The following FGF12 variants were observed in gnomAD, a reference collection of about 807,000 sequenced individuals.
The protein encoded by FGF12 is fibroblast growth factor 12, also known as fibroblast growth factor 12B.
Under a neutral mutation model 23.6 loss-of-function variants are expected in FGF12, and 14 were observed. The observed-to-expected ratio is 0.59, with a 90% CI of 0.39 to 0.93. The LOEUF is 0.93. FGF12 is among the 40% of genes least tolerant of loss of function. FGF12 has a pLI of 0.00. For synonymous variants in FGF12, 62 were observed against 77.3 expected (o/e 0.80, Z 1.04); for missense variants, 175 against 217.8 (o/e 0.80, Z 1.24).
intron 2 of FGF12, among the ~76,000 whole-genome samples, chr3:192,499,459 G>A (rs999943841): frequency 1.6e-5 from 2 of 127,862 alleles, no homozygotes; most frequent in African/African-American, 6.0e-5. Flanking sequence ...CAACTAAAAG[G>A]GTGCATTCAA....
At chr3:192,560,516 T>C (rs1312062421) in intron 2 of FGF12, among the ~76,000 whole-genome samples, 1 of 152,174 alleles carries the variant, frequency 6.6e-6, no homozygotes, top group East Asian at 1.9e-4. Flanking sequence ...AAAGATGGCA[T>C]GTCATTGTAG....
chr3:192,510,899 C>A (rs909099141), intron 2 of FGF12, among the ~76,000 whole-genome samples: 5 of 152,116 alleles, frequency 3.3e-5, no homozygotes, highest in African/African-American at 9.7e-5. Flanking sequence ...TTATTCCAAC[C>A]ATATGGCATT....
chr3:192,427,754 G>C (rs1721738252), intron 2 of FGF12, among the ~76,000 whole-genome samples: 2 of 152,142 alleles, frequency 1.3e-5, no homozygotes, highest in African/African-American at 4.8e-5. Context: ...TTCTGAGAGA[G>C]CATCAATGTC....
At chr3:192,624,300 T>C (rs559877200) in intron 2 of FGF12, among the ~76,000 whole-genome samples, 1 of 152,160 alleles carries the variant, frequency 6.6e-6, no homozygotes, top group South Asian at 2.1e-4. Flanking sequence ...TCTATTTATA[T>C]CAACATAGGA....
At chr3:192,176,168 T>C (rs1715846382) in intron 4 of FGF12, among the ~76,000 whole-genome samples, 1 of 152,216 alleles carries the variant, frequency 6.6e-6, no homozygotes, top group Admixed American at 6.5e-5. Flanking sequence ...TTTCATCACA[T>C]GCTAATTTCT....
chr3:192,686,754 C>T (rs1389299790), intron 2 of FGF12, among the ~76,000 whole-genome samples: 12 of 148,672 alleles, frequency 8.1e-5, no homozygotes, highest in Admixed American at 4.7e-4. Context: ...CAAAACTGCA[C>T]GTTCTGCACA....
At chr3:192,226,371 A>G (rs912655203) in intron 4 of FGF12, among the ~76,000 whole-genome samples, 1 of 152,156 alleles carries the variant, frequency 6.6e-6, no homozygotes, top group African/African-American at 2.4e-5. Context: ...TAAATTTTGT[A>G]TGTAGCAATC....
intron 2 of FGF12, among the ~76,000 whole-genome samples, chr3:192,647,617 A>G (rs532181240): frequency 6.6e-6 from 1 of 151,584 alleles, no homozygotes; most frequent in South Asian, 2.1e-4. Context: ...TGGAATTCAT[A>G]TCAACCTGGG....
At chr3:192,693,760 T>C (rs1231293134) in intron 2 of FGF12, among the ~76,000 whole-genome samples, 1 of 152,096 alleles carries the variant, frequency 6.6e-6, no homozygotes, top group Non-Finnish European at 1.5e-5. Context: ...TCAATATGAA[T>C]TAAAGATCTA....
intron 2 of FGF12, among the ~76,000 whole-genome samples, chr3:192,594,469 C>T (rs1380176120): frequency 6.6e-6 from 1 of 151,912 alleles, no homozygotes; most frequent in East Asian, 1.9e-4. Context: ...GGGACTACAG[C>T]ATGCTCATTC....
At chr3:192,343,191 A>G (rs1164045281) in intron 3 of FGF12, among the ~76,000 whole-genome samples, 1 of 152,060 alleles carries the variant, frequency 6.6e-6, no homozygotes, top group African/African-American at 2.4e-5. Flanking sequence ...ATGGCCAATA[A>G]AAAAGATTCA....
intron 2 of FGF12, among the ~76,000 whole-genome samples, chr3:192,582,832 G>A (rs1713212782): frequency 6.6e-6 from 1 of 152,052 alleles, no homozygotes; most frequent in African/African-American, 2.4e-5. Flanking sequence ...TACCACACCT[G>A]AGCTCTCGGC....
At chr3:192,379,701 T>C (rs1386945435) in intron 2 of FGF12, among the ~76,000 whole-genome samples, 1 of 152,194 alleles carries the variant, frequency 6.6e-6, no homozygotes, top group Non-Finnish European at 1.5e-5. Context: ...GATGCTGCCT[T>C]ATTTACTCAA....
At chr3:192,179,439 ACTC>A (rs1404269245) in intron 4 of FGF12, among the ~76,000 whole-genome samples, 1 of 152,060 alleles carries the variant, frequency 6.6e-6, no homozygotes, top group Non-Finnish European at 1.5e-5. Flanking sequence ...GGACACAACT[ACTC>A]AATACTCAAA....
At chr3:192,487,845 T>A (rs1050919464) in intron 2 of FGF12, among the ~76,000 whole-genome samples, 3 of 152,186 alleles carry the variant, frequency 2.0e-5, no homozygotes, top group African/African-American at 7.2e-5. Context: ...TGTAAGGGTA[T>A]TAGGTCGGGA....
intron 2 of FGF12, among the ~76,000 whole-genome samples, chr3:192,642,224 T>A (rs116798963): frequency 6.6e-6 from 1 of 152,350 alleles, no homozygotes; most frequent in South Asian, 2.1e-4. Flanking sequence ...CATTATTCCA[T>A]TAATCTCTCA....
chr3:192,256,724 T>C (rs1712420587), intron 4 of FGF12, among the ~76,000 whole-genome samples: 1 of 152,156 alleles, frequency 6.6e-6, no homozygotes, highest in Non-Finnish European at 1.5e-5. Context: ...TTTAAAAGTC[T>C]TATTGGAGAA....
intron 2 of FGF12, among the ~76,000 whole-genome samples, chr3:192,496,384 T>A (rs1279777219): frequency 6.6e-6 from 1 of 152,082 alleles, no homozygotes; most frequent in East Asian, 1.9e-4. Context: ...GTGACTCTGA[T>A]ATACTGGTCC....
intron 2 of FGF12, among the ~76,000 whole-genome samples, chr3:192,529,510 C>G (rs994944806): frequency 3.3e-5 from 5 of 152,172 alleles, no homozygotes; most frequent in African/African-American, 4.8e-5. Context: ...TGCCTGTTAC[C>G]CAGTTCCAAA....
Sources: allele counts gnomAD v4.1 joint callset (sites outside exome capture counted in the v4.1 genomes callset), GRCh38; gene constraint gnomAD v4.1.1; transcripts MANE v1.5; gene names NCBI Gene and HGNC (gene_info 2026-07-23, HGNC 2026-07-21).